SYN2: variants seen among roughly 807,000 people sequenced by gnomAD.
The protein encoded by SYN2 is synapsin II.
Under a neutral mutation model 50.9 loss-of-function variants are expected in SYN2, and 19 were observed. The observed-to-expected ratio is 0.37, with a 90% CI of 0.26 to 0.55. The LOEUF (loss-of-function observed/expected upper bound fraction) is 0.55, where lower values mean the gene tolerates loss of function less well. SYN2 is among the 20% of genes least tolerant of loss of function. The probability of loss-of-function intolerance (pLI) is 0.81; values close to 1 mark genes in which losing one functional copy is unlikely to be tolerated. For missense variants in SYN2, 587 were observed against 576.4 expected, an observed-to-expected ratio of 1.02 and a Z score of -0.19; for synonymous variants, 255 against 224.9, an observed-to-expected ratio of 1.13 and a Z score of -1.20.
chr3:12,049,604 T>G (rs1156340218), intron 1 of SYN2, among the ~76,000 whole-genome samples: 3 of 152,104 alleles, frequency 2.0e-5, no homozygotes. Flanking sequence ...ATAGATGGCT[T>G]GGGAGTTATA....
intron 1 of SYN2, among the ~76,000 whole-genome samples, chr3:12,118,165 T>C (rs1429654947): frequency 6.6e-6 from 1 of 152,282 alleles, no homozygotes; most frequent in Admixed American, 6.5e-5. Flanking sequence ...CTTAGTTTAC[T>C]CACCTATAAA....
chr3:12,040,820 A>C (rs1694595374), intron 1 of SYN2, among the ~76,000 whole-genome samples: 1 of 152,202 alleles, frequency 6.6e-6, no homozygotes, highest in South Asian at 2.1e-4. Context: ...TGTTGATAGA[A>C]AAGTCAGGCA....
chr3:12,156,852 T>G lies in SYN2; in HGVS notation c.775-4694T>G. 6.2e-7 allele frequency: 1 copy of G among 1,614,218 alleles called. No homozygotes were observed. Among genetic ancestry groups the G allele is most frequent in the Non-Finnish European group, 8.5e-7 (1 of 1,180,032 alleles). ...GAGATACTGCTTCTGGCTGTTGGCT[T>G]CTAGTTTCACACCACAGAGGGAAGA... On this transcript the variant is annotated intron_variant, in intron 5 of 12. Transcript: ENST00000621198.
chr3:12,065,818 G>T (rs1264875977), intron 1 of SYN2, among the ~76,000 whole-genome samples: 2 of 152,156 alleles, frequency 1.3e-5, no homozygotes, highest in Non-Finnish European at 2.9e-5. Flanking sequence ...ATATACTCAT[G>T]TAACAAACCT....
intron 1 of SYN2, among the ~76,000 whole-genome samples, chr3:12,057,098 C>T (rs1269096296): frequency 2.0e-5 from 3 of 152,044 alleles, no homozygotes; most frequent in African/African-American, 7.2e-5. Context: ...TCAAGACCAA[C>T]TTGGCCAACG....
chr3:12,010,074 G>A (rs921412879), intron 1 of SYN2, among the ~76,000 whole-genome samples: 2 of 152,112 alleles, frequency 1.3e-5, no homozygotes, highest in African/African-American at 4.8e-5. Context: ...TAGCCTGGGC[G>A]ACAGAGCAAG....
intron 1 of SYN2, among the ~76,000 whole-genome samples, chr3:12,049,273 C>T (rs1219442162): frequency 1.3e-5 from 2 of 152,086 alleles, no homozygotes; most frequent in Non-Finnish European, 2.9e-5. Context: ...AATCCTAGCA[C>T]TTTGGGAGGC....
intron 1 of SYN2, among the ~76,000 whole-genome samples, chr3:12,012,666 G>T (rs1259895660): frequency 6.6e-6 from 1 of 152,164 alleles, no homozygotes; most frequent in East Asian, 1.9e-4. Context: ...GAATGCTCTT[G>T]TCCTGGTTCT....
intron 7 of SYN2, among the ~76,000 whole-genome samples, chr3:12,164,049 C>T (rs780616006): frequency 2.6e-4 from 39 of 152,232 alleles, no homozygotes; most frequent in Non-Finnish European, 4.3e-4. Context: ...GCCTGAGTGA[C>T]ATGGGACCCT....
At chr3:12,118,367 A>G (rs1298411353) in intron 1 of SYN2, among the ~76,000 whole-genome samples, 1 of 152,202 alleles carries the variant, frequency 6.6e-6, no homozygotes, top group African/African-American at 2.4e-5. Context: ...GTTTGAAACC[A>G]GCCTGGGTAA....
At chr3:12,180,085 A>T (rs550169993) in intron 10 of SYN2, among the ~76,000 whole-genome samples, 1 of 152,216 alleles carries the variant, frequency 6.6e-6, no homozygotes, top group East Asian at 1.9e-4. Flanking sequence ...GGTAGCTGGG[A>T]CTATAAGCAC....
chr3:12,025,107 A>G (rs948065699), intron 1 of SYN2, among the ~76,000 whole-genome samples: 6 of 152,162 alleles, frequency 3.9e-5, no homozygotes, highest in African/African-American at 1.2e-4. Context: ...ATGCCCCTAC[A>G]TGGTGAAGGG....
chr3:12,022,643 CGT>C (rs1559388775), intron 1 of SYN2, among the ~76,000 whole-genome samples: 3 of 151,946 alleles, frequency 2.0e-5, no homozygotes, highest in African/African-American at 7.3e-5. Flanking sequence ...CTCTTGACCT[CGT>C]GATCTACCTG....
At chr3:12,155,672 G>A (rs1461821723) in intron 5 of SYN2, among the ~76,000 whole-genome samples, 1 of 152,094 alleles carries the variant, frequency 6.6e-6, no homozygotes, top group Non-Finnish European at 1.5e-5. Context: ...GTAGGACCTG[G>A]GCACCATTGA....
chr3:12,140,669 CA>C lies in SYN2; in HGVS notation c.402del (p.Val135SerfsTer67). On this transcript the variant is annotated frameshift_variant, in exon 2 of 13. Transcript: ENST00000621198. LOFTEE classifies it high-confidence loss of function. The stretch of plus-strand genomic sequence containing the variant: ...TCTCCAGGGCCAAGTGCTTTCGGGG[CA>C]AAAAAGTCCTTGGAGATTATGATAT... ...HADWAKCFRG[K>X]KVLGDYDIKV... 2 of 764,446 alleles carry C rather than the reference CA, an allele frequency of 2.6e-6. No homozygotes were observed. The highest frequency in any genetic ancestry group is 4.9e-6 in the Non-Finnish European group (2 of 409,578). The allele number at this position is 764,446 out of a possible 1,614,324, so 47.4% of individuals were successfully genotyped here. A position where few individuals can be genotyped will look rare whatever the true frequency, so the allele number is the denominator to read the frequency against.
rs569842281 is a variant in SYN2, at chr3:12,149,513, G to A, written c.685-1724G>A. ...TGGTGAATGCACCCAGCAAGGAGAA[G>A]AGACCTGAGTGCTCTTGCAGTGCAG... On this transcript the variant is annotated intron_variant, in intron 4 of 12. Coordinates refer to ENST00000621198, the MANE Select transcript of SYN2 (RefSeq NM_133625.6). Among the ~76,000 whole-genome samples the A allele has an allele frequency of 6.6e-5, 10 of 152,344 alleles. No homozygotes were observed. In the East Asian group the frequency reaches 1.9e-3, roughly 29 times the overall value.
chr3:12,025,119 G>A (rs149237615), intron 1 of SYN2, among the ~76,000 whole-genome samples: 51 of 152,302 alleles, frequency 3.3e-4, no homozygotes, highest in African/African-American at 1.2e-3. Context: ...GGTGAAGGGA[G>A]AGAGCCTTGG....
chr3:12,127,848 C>G (rs1347489914), intron 1 of SYN2, among the ~76,000 whole-genome samples: 3 of 152,178 alleles, frequency 2.0e-5, no homozygotes, highest in East Asian at 1.9e-4. Flanking sequence ...GCAATTTGCT[C>G]TACGAACTGT....
At chr3:12,023,777 G>A (rs1267907793) in intron 1 of SYN2, among the ~76,000 whole-genome samples, 2 of 152,110 alleles carry the variant, frequency 1.3e-5, no homozygotes, top group Non-Finnish European at 2.9e-5. Context: ...GGGCATGGGT[G>A]GAGAACTTGT....
Sources: allele counts gnomAD v4.1 joint callset (sites outside exome capture counted in the v4.1 genomes callset), GRCh38; gene constraint gnomAD v4.1.1; transcripts MANE v1.5; gene names NCBI Gene and HGNC (gene_info 2026-07-23, HGNC 2026-07-21).